The following RAPGEF6 variants were observed in gnomAD, a reference collection of about 807,000 sequenced individuals.
RAPGEF6 encodes PDZ domain containing guanine nucleotide exchange factor (GEF) 2.
Under a neutral mutation model 171.4 loss-of-function variants are expected in RAPGEF6, and 56 were observed. The ratio of observed to expected loss-of-function variants is 0.33; its 90% CI spans 0.26 to 0.41. The LOEUF (loss-of-function observed/expected upper bound fraction) is 0.41. RAPGEF6 is among the 10% of genes least tolerant of loss of function. The pLI is 1.00. For synonymous variants in RAPGEF6, 692 were observed against 650.1 expected (o/e 1.06, Z -0.98); for missense variants, 1,674 against 1,921.4 (o/e 0.87, Z 2.41).
At chr5:131,621,764 T>C (rs1765607333) in intron 1 of RAPGEF6, among the ~76,000 whole-genome samples, 1 of 152,278 alleles carries the variant, frequency 6.6e-6, no homozygotes, top group Admixed American at 6.5e-5. Context: ...CCAATCTCGG[T>C]TGGTTGAATC....
intron 4 of RAPGEF6, among the ~76,000 whole-genome samples, chr5:131,565,202 C>T (rs368370306): frequency 5.6e-4 from 85 of 151,934 alleles, no homozygotes; most frequent in African/African-American, 2.0e-3. Context: ...ATAATAAAAG[C>T]GCAATACCCA....
chr5:131,576,142 C>G (rs922138571), intron 4 of RAPGEF6, among the ~76,000 whole-genome samples: 2 of 152,204 alleles, frequency 1.3e-5, no homozygotes, highest in African/African-American at 4.8e-5. Context: ...CTGTATCTCT[C>G]TAATCCATAT....
chr5:131,428,298 A>T (rs1751492419), intron 27 of RAPGEF6, among the ~76,000 whole-genome samples: 1 of 152,122 alleles, frequency 6.6e-6, no homozygotes, highest in Non-Finnish European at 1.5e-5. Context: ...CTGTAGTCCC[A>T]GCTACTTGGG....
chr5:131,494,534 G>A (rs545574925), intron 13 of RAPGEF6, among the ~76,000 whole-genome samples: 1 of 152,328 alleles, frequency 6.6e-6, no homozygotes, highest in South Asian at 2.1e-4. Context: ...TGGTCTGGAT[G>A]CAGAACTGGA....
chr5:131,464,450 T>C, intron 17 of RAPGEF6, 169 bp from the exon 18 acceptor site: 1 of 562,598 alleles, frequency 1.8e-6, no homozygotes, highest in South Asian at 2.3e-5. Context: ...TATCCTTTTT[T>C]TTTTTTCAGA....
At chr5:131,585,822 G>A (rs1763226144) in intron 4 of RAPGEF6, among the ~76,000 whole-genome samples, 3 of 151,958 alleles carry the variant, frequency 2.0e-5, no homozygotes, top group African/African-American at 2.4e-5. Flanking sequence ...GCGAAACTCC[G>A]TCCCCAAAAA....
At chr5:131,582,137 C>T (rs1018563289) in intron 4 of RAPGEF6, among the ~76,000 whole-genome samples, 1 of 152,216 alleles carries the variant, frequency 6.6e-6, no homozygotes, top group Non-Finnish European at 1.5e-5. Flanking sequence ...TTGTTGCTCA[C>T]ACTAAGCCTG....
At chr5:131,552,389 T>C (rs534812806) in intron 5 of RAPGEF6, among the ~76,000 whole-genome samples, 1 of 151,674 alleles carries the variant, frequency 6.6e-6, no homozygotes, top group South Asian at 2.1e-4. Flanking sequence ...GCAAGTAAAC[T>C]AAAAGAGATT....
intron 25 of RAPGEF6, among the ~76,000 whole-genome samples, chr5:131,432,638 TAA>T (rs771498749): frequency 7.0e-5 from 10 of 142,332 alleles, no homozygotes; most frequent in African/African-American, 1.3e-4. Context: ...GACTCCGCCT[TAA>T]AAAAAAAAAA....
chr5:131,525,037 A>T (rs1024789790), intron 6 of RAPGEF6, among the ~76,000 whole-genome samples: 4 of 152,250 alleles, frequency 2.6e-5, no homozygotes, highest in African/African-American at 7.2e-5. Flanking sequence ...AATTAAAATT[A>T]AAAAAATTTA....
chr5:131,591,888 G>A (rs374509226), intron 4 of RAPGEF6, among the ~76,000 whole-genome samples: 8 of 151,766 alleles, frequency 5.3e-5, no homozygotes, highest in African/African-American at 1.7e-4. Flanking sequence ...ATGGAGTTTC[G>A]CTCTTGTTGC....
chr5:131,437,486 T>C (rs1057229159), intron 24 of RAPGEF6, among the ~76,000 whole-genome samples: 5 of 152,216 alleles, frequency 3.3e-5, no homozygotes, highest in African/African-American at 1.2e-4. Context: ...TAGGAGCATA[T>C]GGATACTGTT....
chr5:131,531,952 T>C (rs914628254), intron 6 of RAPGEF6: 7 of 262,420 alleles, frequency 2.7e-5, no homozygotes, highest in Non-Finnish European at 1.5e-5. Context: ...TTTAGATATT[T>C]AAATTAAAAA....
At chr5:131,588,382 G>A (rs1012666860) in intron 4 of RAPGEF6, among the ~76,000 whole-genome samples, 1 of 152,156 alleles carries the variant, frequency 6.6e-6, no homozygotes, top group African/African-American at 2.4e-5. Context: ...ACTACATCTG[G>A]AACTTAGGCC....
intron 4 of RAPGEF6, among the ~76,000 whole-genome samples, chr5:131,581,691 A>G (rs1459561723): frequency 6.6e-6 from 1 of 152,112 alleles, no homozygotes; most frequent in African/African-American, 2.4e-5. Flanking sequence ...TTCATTATTA[A>G]CATAAAAAGA....
chr5:131,461,753 A>T lies in RAPGEF6; in HGVS notation c.2816T>A (p.Leu939His), dbSNP rs759337849. The T allele has an allele frequency of 1.2e-6, 2 of 1,608,158 alleles. No individual in the cohort carries two copies. Among genetic ancestry groups the T allele is most frequent in the Non-Finnish European group, 8.5e-7 (1 of 1,175,102 alleles). Residue 939 changes from leucine (L) to histidine (H), a missense_variant, in exon 19 of 28, where the codon CTT (leucine) becomes CAT (histidine). Leu to His is a moderately conservative substitution (Grantham distance 99). This residue lies in a region of RAPGEF6 where 1,116 missense variants were observed against 1,321.5 expected (regional missense o/e 0.84). Transcript: ENST00000509018. Reference protein sequence around the residue: ...KIIKHFIKIALHCRECKNFNS... With the variant: ...KIIKHFIKIAHHCRECKNFNS... ...GAAGTTCTTACATTCTCGACAATGA[A>T]GTGCAATTTTAATAAAATGCTTAAT...
chr5:131,526,372 C>T (rs965139299), intron 6 of RAPGEF6, among the ~76,000 whole-genome samples: 4 of 151,964 alleles, frequency 2.6e-5, no homozygotes, highest in Non-Finnish European at 5.9e-5. Flanking sequence ...ATGATTATAC[C>T]CAGTTTATAG....
chr5:131,634,746 G>A (rs1766527716), intron 1 of RAPGEF6, among the ~76,000 whole-genome samples: 2 of 152,210 alleles, frequency 1.3e-5, no homozygotes, highest in Non-Finnish European at 2.9e-5. Flanking sequence ...CCCCCGGCAA[G>A]GACGGGTACG....
chr5:131,545,511 A>G (rs1760464138), intron 6 of RAPGEF6, among the ~76,000 whole-genome samples: 2 of 152,200 alleles, frequency 1.3e-5, no homozygotes, highest in South Asian at 4.1e-4. Flanking sequence ...CAAAAGACAT[A>G]AAGAACCCTA....
Sources: gnomAD v4.1 joint callset for allele counts (sites outside exome capture counted in the v4.1 genomes callset) on GRCh38, gnomAD v4.1.1 for gene constraint, gnomAD v4.1.1 regional missense constraint, MANE v1.5 for transcripts, NCBI Gene and HGNC (gene_info 2026-07-23, HGNC 2026-07-21) for gene names.